Variants in ADAR observed in about 807,000 individuals in gnomAD.
The protein encoded by ADAR is double-stranded RNA-specific adenosine deaminase.
A neutral mutation model predicts 113.2 loss-of-function variants in ADAR; 41 were observed. That is an observed-to-expected ratio of 0.36 (90% confidence interval 0.28 to 0.47). The LOEUF (loss-of-function observed/expected upper bound fraction) is 0.47. ADAR is among the 20% of genes least tolerant of loss of function. The pLI, the probability that ADAR is intolerant of heterozygous loss-of-function variation, is 1.00. For missense variants in ADAR, 1,242 were observed against 1,540.9 expected (o/e 0.81, Z 3.25); for synonymous variants, 605 against 572.6 (o/e 1.06, Z -0.81).
In ADAR at chr1:154,624,064, G is replaced by A. The variant is rs1040062863; in HGVS notation, c.-871+3791C>T. Among the ~76,000 whole-genome samples, 7 of 151,750 alleles carry A rather than the reference G, an allele frequency of 4.6e-5. No homozygotes were observed. In the South Asian group the frequency reaches 1.5e-3, roughly 32 times the overall value. On this transcript the variant is annotated intron_variant, in intron 1 of 14. Transcript: ENST00000368471. The stretch of plus-strand genomic sequence containing the variant: ...AGCAAGAGAGAATGAAGTCAATAAA[G>A]AAAACGGAGCCGAAAAAGGAAGGGC...
rs34154757 is a variant in ADAR, at chr1:154,601,639, T to A, written c.1003A>T (p.Ile335Phe). 740 of 1,613,908 alleles carry A rather than the reference T, an allele frequency of 4.6e-4. 3 individuals are homozygous for A. In the African/African-American group the frequency reaches 7.0e-3, roughly 15 times the overall value. The change falls in exon 2 of 15, where the codon ATT (isoleucine) becomes TTT (phenylalanine). Residue 335 changes from isoleucine (I) to phenylalanine (F), a missense_variant. Coordinates refer to ENST00000368474, the MANE Select transcript of ADAR (RefSeq NM_001111.5). This position sits in a 1 kb window ranked among gnomAD's most constrained non-coding sequence, Gnocchi z 4.7. ...ACATCCCCCTGCCTTTCCATGTCAA[T>A]TAGCACAGCATTTATATCTCGGGCC... ...TKARDINAVL[I>F]DMERQGDVYR...
chr1:154,602,344 T>C lies in ADAR; in HGVS notation c.298A>G (p.Arg100Gly), dbSNP rs1466731. The change falls in exon 2 of 15, where the codon AGA becomes GGA. Residue 100 changes from arginine (R) to glycine (G), a missense_variant. Arg to Gly is a moderately radical substitution (Grantham distance 125, BLOSUM62 -2). This residue lies in a region of ADAR where 462 missense variants were observed against 483.1 expected (regional missense o/e 0.96). Transcript: ENST00000368474. Reference protein sequence around the residue: ...IRGVPRGVHLRSQGLQRGFQH... With the variant: ...IRGVPRGVHLGSQGLQRGFQH... ...AACCCTCTCTGGAGCCCCTGACTTC[T>C]GAGATGCACGCCCCTGGGGACACCC... The C allele has an allele frequency of 1, 1,608,600 of 1,609,886 alleles. 803,673 individuals are homozygous for C. Among genetic ancestry groups the C allele is most frequent in the East Asian group, 1 (44,852 of 44,852 alleles).
chr1:154,615,586 T>A (rs906701811), intron 1 of ADAR, among the ~76,000 whole-genome samples: 6 of 151,872 alleles, frequency 4.0e-5, no homozygotes, highest in Non-Finnish European at 7.4e-5. Context: ...ATTAAAAAAA[T>A]TTTTTTTCGT....
intron 1 of ADAR, among the ~76,000 whole-genome samples, chr1:154,621,534 A>C (rs1388148530): frequency 1.3e-5 from 2 of 152,212 alleles, no homozygotes; most frequent in African/African-American, 4.8e-5. Context: ...AAATCACTTA[A>C]ACACAATAAG....
Position 154,625,540 on chromosome 1 carries a change from G to A in ADAR, c.-871+2315C>T, listed in dbSNP as rs114425699. ...TAGTATATGTAAAGTGCTCAACACC[G>A]TGTCAGGTACATAGCAAGTGCTAAA... On this transcript the variant is annotated intron_variant, in intron 1 of 14. Transcript: ENST00000368471. Among the ~76,000 whole-genome samples the A allele has an allele frequency of 8.5e-4, 129 of 152,328 alleles. 1 individual carries two copies. Among genetic ancestry groups the A allele is most frequent in the South Asian group, 3.9e-3 (19 of 4,832 alleles).
At chr1:154,594,157 T>C (rs576131251) in intron 6 of ADAR, among the ~76,000 whole-genome samples, 5 of 152,308 alleles carry the variant, frequency 3.3e-5, no homozygotes, top group South Asian at 2.1e-4. Flanking sequence ...GCTGGGATTA[T>C]AGGCGTAAGC....
At chr1:154,615,192 C>T (rs984478855) in intron 1 of ADAR, among the ~76,000 whole-genome samples, 3 of 152,122 alleles carry the variant, frequency 2.0e-5, no homozygotes, top group South Asian at 2.1e-4. Context: ...AATAAATTTC[C>T]ATTGTTTTAA....
upstream of ADAR, among the ~76,000 whole-genome samples, chr1:154,610,603 G>T (rs1282731344): frequency 6.6e-6 from 1 of 152,064 alleles, no homozygotes; most frequent in African/African-American, 2.4e-5. Context: ...GAGGTCAGGG[G>T]ATCGAGACCA....
rs200649075 is a variant in ADAR at position 154,585,198 on chromosome 1, C to T, written c.3443+19G>A. On this transcript the variant is annotated intron_variant, in intron 14 of 14. Transcript: ENST00000368474. ...CAGGGCAGAGGCTTGGTCCTCACTG[C>T]GCTCTCCTGTCTCCTTACCCATCCA... 8 of 1,614,102 alleles carry T rather than the reference C, an allele frequency of 5.0e-6. No homozygotes were observed. The highest frequency in any genetic ancestry group is 1.6e-4 in the Middle Eastern group (1 of 6,062).
At chr1:154,616,615 T>G (rs1040360386) in intron 1 of ADAR, among the ~76,000 whole-genome samples, 3 of 152,216 alleles carry the variant, frequency 2.0e-5, no homozygotes, top group Non-Finnish European at 2.9e-5. Context: ...ATATTTACAC[T>G]TGTAATTTTA....
chr1:154,595,661 A>G lies in ADAR; in HGVS notation c.2270+1144T>C, dbSNP rs1697444508. On this transcript the variant is annotated intron_variant, in intron 6 of 14. Coordinates refer to ENST00000368474, the MANE Select transcript of ADAR (RefSeq NM_001111.5). The stretch of plus-strand genomic sequence containing the variant: ...TAAAAAAGTTAATAAAGTAAAAAAT[A>G]AAGTAAAAATAAAGTAAAAAAGTTA... Among the ~76,000 whole-genome samples, 3 of 151,638 alleles carry G rather than the reference A, an allele frequency of 2.0e-5. 1 individual carries two copies. In the South Asian group the frequency reaches 6.2e-4, roughly 31 times the overall value.
intron 6 of ADAR, among the ~76,000 whole-genome samples, chr1:154,590,816 C>T (rs933772999): frequency 6.6e-6 from 1 of 150,468 alleles, no homozygotes; most frequent in Non-Finnish European, 1.5e-5. Context: ...TAGCTGGGCA[C>T]GGTGGTCTGT....
chr1:154,586,239 C>A lies in ADAR; in HGVS notation c.3144G>T (p.Leu1048=). ...DKILRWNVLG[L]QGALLTHFLQ... is the part of the protein sequence containing the mutation. ...GGAAGTGGGTCAACAGTGCCCCTTGCAGGCCCAGCACGTTCCAGCGTAGGA... is the reference window on the plus strand; with the variant it reads ...GGAAGTGGGTCAACAGTGCCCCTTGAAGGCCCAGCACGTTCCAGCGTAGGA... The change falls in exon 12 of 15, where the codon CTG becomes CTT. Residue 1048 remains leucine, a synonymous_variant. Coordinates refer to ENST00000368474, the MANE Select transcript of ADAR (RefSeq NM_001111.5). 6.2e-7 allele frequency: 1 copy of A among 1,614,208 alleles called. No individual in the cohort carries two copies. The highest frequency in any genetic ancestry group is 8.5e-7 in the Non-Finnish European group (1 of 1,180,036).
intron 13 of ADAR, 87 bp from the exon 14 acceptor site, chr1:154,585,431 G>C: frequency 6.3e-7 from 1 of 1,586,190 alleles, no homozygotes; most frequent in Non-Finnish European, 8.6e-7. Context: ...ATAGGAGAGA[G>C]GAAGTGTGGG....
Position 154,584,337 on chromosome 1 carries a change from T to G in ADAR, c.*469A>C, listed in dbSNP as rs1301026785. 1.3e-5 allele frequency: 2 copies of G among 159,244 alleles called. No homozygotes were observed. The highest frequency in any genetic ancestry group is 1.7e-4 in the South Asian group (1 of 5,732). 9.9% of individuals were successfully genotyped at this position (159,244 alleles called of 1,614,324 possible). A position where few individuals can be genotyped will look rare whatever the true frequency, so the allele number is the denominator to read the frequency against. ...AGACATTCAGATCACAAGGAAAGAA[T>G]CTCAGAAGGGAAAGAGGGGAAGTAG... On this transcript the variant is annotated 3_prime_UTR_variant, in exon 15 of 15. Coordinates refer to ENST00000368474, the MANE Select transcript of ADAR (RefSeq NM_001111.5).
chr1:154,619,217 C>T (rs1336847730), intron 1 of ADAR, among the ~76,000 whole-genome samples: 1 of 152,218 alleles, frequency 6.6e-6, no homozygotes, highest in Non-Finnish European at 1.5e-5. Context: ...GTTCCCTCCC[C>T]AGCCCCAGAG....
intron 1 of ADAR, among the ~76,000 whole-genome samples, chr1:154,603,894 A>T (rs1408605847): frequency 6.6e-6 from 1 of 152,064 alleles, no homozygotes; most frequent in East Asian, 1.9e-4. Flanking sequence ...CCACATCCTG[A>T]CACACTTAGG....
chr1:154,601,484 G>A lies in ADAR; in HGVS notation c.1158C>T (p.Asn386=), dbSNP rs752276168. ...GTATATTACAGGTGAGGAACTCTGC[G>A]TTTCTTTTGGTCTCAGGGATTGCAG... The part of the protein sequence containing the change: ...APAAIPETKR[N]AEFLTCNIPT... The change falls in exon 2 of 15, where the codon AAC becomes AAT. Residue 386 remains asparagine (N), a synonymous_variant. Transcript: ENST00000368474. This position sits in a 1 kb window ranked among gnomAD's most constrained non-coding sequence, Gnocchi z 4.7. The A allele has an allele frequency of 1.5e-5, 25 of 1,613,990 alleles. No homozygotes were observed. Among genetic ancestry groups the A allele is most frequent in the Middle Eastern group, 1.6e-4 (1 of 6,084 alleles).
chr1:154,602,860 A>G lies in ADAR; in HGVS notation c.16-234T>C, dbSNP rs4845381. 0.99 allele frequency among the ~76,000 whole-genome samples: 151,255 copies of G among 152,342 alleles called. 75,096 individuals carry two copies. The highest frequency in any genetic ancestry group is 1 in the Non-Finnish European group (68,040 of 68,040). ...GGCAAAGCACGCAGAACTTCCAGGA[A>G]TACAGAGGTTCTGAGGCCTCAGCAT... On this transcript the variant is annotated intron_variant, in intron 1 of 14. Transcript: ENST00000368474.
Sources: allele counts gnomAD v4.1 joint callset (sites outside exome capture counted in the v4.1 genomes callset), GRCh38; gene constraint gnomAD v4.1.1; regional missense constraint gnomAD v4.1.1; non-coding constraint Gnocchi (gnomAD v3.1); transcripts MANE v1.5; gene names NCBI Gene and HGNC (gene_info 2026-07-23, HGNC 2026-07-21).